The following ADGRV1 variants were observed in gnomAD, a reference collection of about 807,000 sequenced individuals.
The protein encoded by ADGRV1 is G-protein coupled receptor 98.
In ADGRV1, 359 loss-of-function variants were observed where a neutral mutation model predicts 596.2. That is an observed-to-expected ratio of 0.60 (90% CI 0.55 to 0.66). The LOEUF (loss-of-function observed/expected upper bound fraction) is 0.66, where lower values mean the gene tolerates loss of function less well. ADGRV1 is among the 30% of genes least tolerant of loss of function. The pLI is 0.00. For missense variants in ADGRV1, 7,274 were observed against 7,575.6 expected, an observed-to-expected ratio of 0.96 and a Z score of 1.48; for synonymous variants, 2,681 against 2,679.2, an observed-to-expected ratio of 1.00 and a Z score of -0.02.
At chr5:90,605,763 T>G (rs551557729) in intron 1 of ADGRV1, among the ~76,000 whole-genome samples, 1 of 152,166 alleles carries the variant, frequency 6.6e-6, no homozygotes, top group Admixed American at 6.5e-5. Context: ...AAAGCATTTT[T>G]GGAACAAAAT....
At chr5:90,996,352 A>G (rs1021793119) in intron 85 of ADGRV1, among the ~76,000 whole-genome samples, 5 of 152,194 alleles carry the variant, frequency 3.3e-5, no homozygotes, top group African/African-American at 1.2e-4. Context: ...AGGGCCGCAG[A>G]TATGTCTCAG....
chr5:90,848,883 A>G, intron 79 of ADGRV1, 62 bp downstream of exon 79: 1 of 1,156,154 alleles, frequency 8.6e-7, no homozygotes, highest in Non-Finnish European at 1.2e-6. Context: ...TTTACAAAGC[A>G]ATATGTAATG....
In ADGRV1 at chr5:90,653,802, A is replaced by G. The variant is rs1179464024; in HGVS notation, c.4228A>G (p.Ile1410Val). The stretch of plus-strand genomic sequence containing the variant: ...AACCTTGGGTTCCAATGCTACATAC[A>G]TTGCCAAGACAACAGTCATGAAATA... ...YKTLGSNATYIAKTTVMKYLE... is the reference protein window; with the variant it reads ...YKTLGSNATYVAKTTVMKYLE... The change falls in exon 20 of 90, where the codon ATT becomes GTT. Residue 1410 changes from isoleucine (I) to valine (V), a missense_variant. By Grantham distance (29) the Ile-to-Val change is conservative. This residue lies in a region of ADGRV1 where 1,715 missense variants were observed against 1,708.8 expected (regional missense o/e 1.00). Coordinates refer to ENST00000405460, the MANE Select transcript of ADGRV1 (RefSeq NM_032119.4). 3 of 1,613,452 alleles carry G rather than the reference A, an allele frequency of 1.9e-6. No individual in the cohort carries two copies. Among genetic ancestry groups the G allele is most frequent in the East Asian group, 2.2e-5 (1 of 44,884 alleles).
At chr5:90,670,162 C>G (rs889355143) in intron 21 of ADGRV1, among the ~76,000 whole-genome samples, 3 of 152,162 alleles carry the variant, frequency 2.0e-5, no homozygotes, top group Admixed American at 6.5e-5. Flanking sequence ...ACACTTCAAA[C>G]TAGGCATATT....
At chr5:90,886,609 C>T (rs190462793) in intron 83 of ADGRV1, among the ~76,000 whole-genome samples, 1 of 152,266 alleles carries the variant, frequency 6.6e-6, no homozygotes, top group Admixed American at 6.5e-5. Flanking sequence ...TTTATCTCCA[C>T]CGTAAACCAC....
chr5:90,840,117 G>A (rs2150357897), intron 77 of ADGRV1, among the ~76,000 whole-genome samples: 1 of 152,284 alleles, frequency 6.6e-6, no homozygotes. Flanking sequence ...ATATTTGAGT[G>A]TAAACATGAA....
At chr5:91,154,931 T>A (rs1796352568) in intron 89 of ADGRV1, among the ~76,000 whole-genome samples, 1 of 152,146 alleles carries the variant, frequency 6.6e-6, no homozygotes, top group Admixed American at 6.5e-5. Context: ...GGGGCTAGAA[T>A]TACAATTATA....
chr5:90,672,422 CCCTTTTA>C, intron 21 of ADGRV1, 117 bp from the exon 22 acceptor site: 1 of 634,564 alleles, frequency 1.6e-6, no homozygotes, highest in East Asian at 2.9e-5. Context: ...CCTCGTTAGT[CCCTTTTA>C]GAGAGGTAGA....
At chr5:91,004,122 T>C (rs1446449299) in intron 85 of ADGRV1, among the ~76,000 whole-genome samples, 1 of 152,130 alleles carries the variant, frequency 6.6e-6, no homozygotes, top group Non-Finnish European at 1.5e-5. Flanking sequence ...CTCTGTCAAA[T>C]AGAATATTTG....
At chr5:90,658,985 G>T (rs1167519366) in intron 21 of ADGRV1, among the ~76,000 whole-genome samples, 1 of 152,122 alleles carries the variant, frequency 6.6e-6, no homozygotes, top group African/African-American at 2.4e-5. Context: ...GGTTTAGAAG[G>T]ATGTATAAGT....
At chr5:91,025,911 C>T (rs752161199) in intron 85 of ADGRV1, among the ~76,000 whole-genome samples, 2 of 152,150 alleles carry the variant, frequency 1.3e-5, no homozygotes, top group Non-Finnish European at 2.9e-5. Context: ...GCAAGAGTGA[C>T]AGACTTGAAG....
chr5:90,737,772 A>G (rs1318305734), intron 50 of ADGRV1, among the ~76,000 whole-genome samples: 2 of 151,900 alleles, frequency 1.3e-5, no homozygotes, highest in Non-Finnish European at 2.9e-5. Flanking sequence ...TTACATTTGC[A>G]AGGAATGCCT....
intron 1 of ADGRV1, among the ~76,000 whole-genome samples, chr5:90,590,382 T>A (rs1468940420): frequency 6.6e-6 from 1 of 152,160 alleles, no homozygotes; most frequent in African/African-American, 2.4e-5. Context: ...AGTTGTGATG[T>A]CATATCTGGA....
At chr5:91,089,918 G>T (rs934000699) in intron 86 of ADGRV1, among the ~76,000 whole-genome samples, 1 of 152,180 alleles carries the variant, frequency 6.6e-6, no homozygotes, top group African/African-American at 2.4e-5. Context: ...CATGCCTGTA[G>T]CTGAGTTTTG....
intron 86 of ADGRV1, among the ~76,000 whole-genome samples, chr5:91,090,915 T>C (rs551828266): frequency 2.6e-5 from 4 of 152,250 alleles, no homozygotes; most frequent in Non-Finnish European, 4.4e-5. Context: ...TAGGATAGGA[T>C]AGGATAGGAA....
intron 87 of ADGRV1, among the ~76,000 whole-genome samples, chr5:91,110,400 C>A (rs143251214): frequency 6.6e-6 from 1 of 152,320 alleles, no homozygotes; most frequent in Non-Finnish European, 1.5e-5. Flanking sequence ...TGACAGGGAT[C>A]CTCCAGGATG....
intron 83 of ADGRV1, among the ~76,000 whole-genome samples, chr5:90,893,056 G>A (rs1010251101): frequency 2.0e-5 from 3 of 152,092 alleles, no homozygotes; most frequent in Non-Finnish European, 2.9e-5. Flanking sequence ...AATTTCTGAC[G>A]GTTGGGTATC....
intron 85 of ADGRV1, among the ~76,000 whole-genome samples, chr5:91,059,581 A>C (rs1787214706): frequency 6.6e-6 from 1 of 152,212 alleles, no homozygotes; most frequent in African/African-American, 2.4e-5. Context: ...TGGGACTTTT[A>C]AAATGTTGCC....
At chr5:90,717,502 T>C (rs1750291283) in intron 43 of ADGRV1, 1 of 142,864 alleles carries the variant, frequency 7.0e-6, no homozygotes, top group African/African-American at 2.7e-5. Flanking sequence ...TGGCGCAATC[T>C]AGGTTTACTG....
Sources: gnomAD v4.1 joint callset for allele counts (sites outside exome capture counted in the v4.1 genomes callset) on GRCh38, gnomAD v4.1.1 for gene constraint, gnomAD v4.1.1 regional missense constraint, MANE v1.5 for transcripts, NCBI Gene and HGNC (gene_info 2026-07-23, HGNC 2026-07-21) for gene names.